The following LRRC63 variants were observed in gnomAD, a reference collection of about 807,000 sequenced individuals.
The protein encoded by LRRC63 is leucine rich repeat containing 63.
Under a neutral mutation model 49.5 loss-of-function variants are expected in LRRC63, and 40 were observed. The ratio of observed to expected loss-of-function variants is 0.81; its 90% confidence interval spans 0.63 to 1.05. The LOEUF is 1.05. Among genes scored for constraint, LRRC63 ranks in the 50% least tolerant of loss-of-function variants. The pLI, the probability that LRRC63 is intolerant of heterozygous loss-of-function variation, is 0.00. For missense variants in LRRC63, 636 were observed against 663.1 expected, an observed-to-expected ratio of 0.96 and a Z score of 0.45; for synonymous variants, 191 against 221.1, an observed-to-expected ratio of 0.86 and a Z score of 1.21.
intron 8 of LRRC63, among the ~76,000 whole-genome samples, chr13:46,263,017 T>C (rs1156484186): frequency 6.6e-6 from 1 of 152,228 alleles, no homozygotes; most frequent in African/African-American, 2.4e-5. Flanking sequence ...ACAATCTCTA[T>C]ATTTTAGTAG....
At chr13:46,220,446 C>T (rs993451036) in intron 2 of LRRC63, among the ~76,000 whole-genome samples, 5 of 152,226 alleles carry the variant, frequency 3.3e-5, no homozygotes, top group African/African-American at 9.6e-5. Context: ...TGATGGCAGA[C>T]GCCCCTCCCC....
intron 2 of LRRC63, 37 bp downstream of exon 2, chr13:46,213,156 T>G: frequency 7.5e-7 from 1 of 1,331,208 alleles, no homozygotes; most frequent in Non-Finnish European, 1.0e-6. Flanking sequence ...TTAACATTTA[T>G]GTATCTTTCA....
At chr13:46,220,973 CT>C (rs2046391871) in intron 2 of LRRC63, among the ~76,000 whole-genome samples, 1 of 152,190 alleles carries the variant, frequency 6.6e-6, no homozygotes, top group South Asian at 2.1e-4. Context: ...CCCAATCAGA[CT>C]GCCTTTTTCT....
intron 2 of LRRC63, among the ~76,000 whole-genome samples, chr13:46,223,782 G>A (rs1045994311): frequency 7.2e-5 from 11 of 152,122 alleles, no homozygotes; most frequent in Non-Finnish European, 1.5e-5. Flanking sequence ...CTTGAACATG[G>A]GAGGTGGAGG....
chr13:46,231,402 C>G lies in LRRC63; in HGVS notation c.832+2669C>G, dbSNP rs375026033. On this transcript the variant is annotated intron_variant, in intron 4 of 9. Transcript: ENST00000595396. ...GGCATTCCCTTGGCTTTTGGGGAGG[C>G]CTCAGTGAGCTTTTACTCATGGCAG... 4.3e-4 allele frequency among the ~76,000 whole-genome samples: 65 copies of G among 152,264 alleles called. 1 individual carries two copies. Among genetic ancestry groups the G allele is most frequent in the Admixed American group, 3.6e-3 (55 of 15,296 alleles).
At chr13:46,214,162 C>T (rs1283333577) in intron 2 of LRRC63, among the ~76,000 whole-genome samples, 1 of 152,054 alleles carries the variant, frequency 6.6e-6, no homozygotes, top group Non-Finnish European at 1.5e-5. Flanking sequence ...TTTCCTCTTC[C>T]ATCTGATTTT....
At chr13:46,219,084 G>C (rs2046334402) in intron 2 of LRRC63, among the ~76,000 whole-genome samples, 1 of 152,066 alleles carries the variant, frequency 6.6e-6, no homozygotes, top group African/African-American at 2.4e-5. Flanking sequence ...GTGTCTTGGG[G>C]TTGCTCTTCT....
Position 46,271,778 on chromosome 13 carries a change from C to G in LRRC63, c.1550+4806C>G, listed in dbSNP as rs187835700. ...ATTTATAGTTTAAGATCAGTTAACA[C>G]TGAATTTCAAATAAAAGGACTATAA... On this transcript the variant is annotated intron_variant, in intron 9 of 9. Coordinates refer to ENST00000595396, the Ensembl canonical transcript of LRRC63. Among the ~76,000 whole-genome samples the G allele has an allele frequency of 8.0e-5, 12 of 150,086 alleles. 1 individual carries two copies. The highest frequency in any genetic ancestry group is 3.5e-3 in the Middle Eastern group (1 of 282).
Position 46,216,225 on chromosome 13 carries a change from G to A in LRRC63, c.85+3106G>A, listed in dbSNP as rs565384318. Among the ~76,000 whole-genome samples, 27 of 152,242 alleles carry A rather than the reference G, an allele frequency of 1.8e-4. No individual in the cohort carries two copies. In the East Asian group the frequency reaches 3.3e-3, roughly 19 times the overall value. On this transcript the variant is annotated intron_variant, in intron 2 of 9. Transcript: ENST00000595396. ...CTTTGGGCAGTATGGCCATTTTCAC[G>A]ATATTGATTCTTCCTATCCATGAGC...
At chr13:46,214,426 G>C (rs1192282334) in intron 2 of LRRC63, among the ~76,000 whole-genome samples, 1 of 152,132 alleles carries the variant, frequency 6.6e-6, no homozygotes, top group African/African-American at 2.4e-5. Context: ...ACAGTATGCA[G>C]ATTTACAGCT....
intron 8 of LRRC63, among the ~76,000 whole-genome samples, chr13:46,263,616 C>G (rs1056235817): frequency 1.3e-5 from 2 of 152,132 alleles, no homozygotes; most frequent in Admixed American, 1.3e-4. Context: ...TCGTTGAGAC[C>G]TTTAGAACAG....
At position 46,227,672 on chromosome 13, in the gene LRRC63, A is replaced by G. The variant is rs2046616094; in HGVS notation, c.246A>G (p.Arg82=). ...TTCTTGATCACTGTGTACAAGAAAG[A>G]GTGACTGCAATTTCATCACCCCAGA... Residue 82 remains arginine (R), a synonymous_variant, in exon 3 of 10, where the codon AGA becomes AGG. Coordinates refer to ENST00000595396, the Ensembl canonical transcript of LRRC63. 8 of 1,550,458 alleles carry G rather than the reference A, an allele frequency of 5.2e-6. No homozygotes were observed. The East Asian group carries it at 1.7e-4, about 33-fold the overall frequency.
intron 1 of LRRC63, among the ~76,000 whole-genome samples, chr13:46,212,523 A>G (rs990804694): frequency 2.0e-5 from 3 of 152,186 alleles, no homozygotes; most frequent in Admixed American, 6.5e-5. Context: ...AAAGAAAACA[A>G]TTTGTTTGTG....
intron 8 of LRRC63, among the ~76,000 whole-genome samples, chr13:46,263,092 T>A (rs2047636729): frequency 6.6e-6 from 1 of 152,174 alleles, no homozygotes; most frequent in Admixed American, 6.5e-5. Flanking sequence ...CATTTTACTT[T>A]GTACTTATTA....
chr13:46,270,168 G>T, intron 9 of LRRC63: 2 of 746,168 alleles, frequency 2.7e-6, no homozygotes, highest in Non-Finnish European at 2.5e-6. Flanking sequence ...GTCAAAGGAA[G>T]ATCTTGTAAG....
intron 2 of LRRC63, 56 bp downstream of exon 2, chr13:46,213,175 C>T (rs1275017189): frequency 8.5e-7 from 1 of 1,175,464 alleles, no homozygotes; most frequent in Non-Finnish European, 1.2e-6. Context: ...CATAGAAATT[C>T]CTTGACTTGC....
intron 1 of LRRC63, 73 bp from the exon 2 acceptor site, chr13:46,212,929 G>A: frequency 1.4e-6 from 1 of 733,538 alleles, no homozygotes; most frequent in South Asian, 1.9e-5. Flanking sequence ...TCTTTAAGAT[G>A]TAATCTAAAT....
At position 46,231,940 on chromosome 13, in the gene LRRC63, C is replaced by T. The variant is rs528138480; in HGVS notation, c.833-2252C>T. On this transcript the variant is annotated intron_variant, in intron 4 of 9. Coordinates refer to ENST00000595396, the Ensembl canonical transcript of LRRC63. ...GCGCCATTCTCCTGCCTCAGCCTCA[C>T]GAGTAGCTAGGACTACAGGCGCCCG... is the stretch of plus-strand genomic sequence containing the variant. Among the ~76,000 whole-genome samples the T allele has an allele frequency of 3.6e-4, 55 of 151,074 alleles. 1 individual carries two copies. Among genetic ancestry groups the T allele is most frequent in the Admixed American group, 3.4e-3 (51 of 15,202 alleles).
At chr13:46,212,418 C>A (rs890362469) in intron 1 of LRRC63, among the ~76,000 whole-genome samples, 159 bp downstream of exon 1, 4 of 152,196 alleles carry the variant, frequency 2.6e-5, no homozygotes, top group African/African-American at 9.7e-5. Flanking sequence ...TGGGATCCAG[C>A]AGCCCTGGGA....
Sources: allele counts gnomAD v4.1 joint callset (sites outside exome capture counted in the v4.1 genomes callset), GRCh38; gene constraint gnomAD v4.1.1; transcripts MANE v1.5; gene names NCBI Gene and HGNC (gene_info 2026-07-23, HGNC 2026-07-21).